The following LARP1B variants were observed in gnomAD, a reference collection of about 807,000 sequenced individuals.
The protein encoded by LARP1B is la-related protein 1B.
A neutral mutation model predicts 114.2 loss-of-function variants in LARP1B; 76 were observed. The observed-to-expected ratio is 0.67, with a 90% confidence interval of 0.55 to 0.81. The LOEUF (loss-of-function observed/expected upper bound fraction) is 0.81, where lower values mean the gene tolerates loss of function less well. Among genes scored for constraint, LARP1B ranks in the 30% least tolerant of loss-of-function variants. The probability of loss-of-function intolerance (pLI) is 0.00; values close to 1 mark genes in which losing one functional copy is unlikely to be tolerated. For synonymous variants in LARP1B, 345 were observed against 348.0 expected, an observed-to-expected ratio of 0.99 and a Z score of 0.10; for missense variants, 1,014 against 1,075.8, an observed-to-expected ratio of 0.94 and a Z score of 0.80.
chr4:128,112,394 T>C (rs1274789338), intron 9 of LARP1B, among the ~76,000 whole-genome samples: 2 of 151,906 alleles, frequency 1.3e-5, no homozygotes, highest in Admixed American at 1.3e-4. Context: ...TATTTTACTC[T>C]TGTCCTGAGC....
At chr4:128,153,979 T>C (rs74788351) in intron 11 of LARP1B, among the ~76,000 whole-genome samples, 1 of 152,210 alleles carries the variant, frequency 6.6e-6, no homozygotes, top group Non-Finnish European at 1.5e-5. Context: ...CCTTTCATAT[T>C]CATTCCTACT....
At chr4:128,120,937 A>G (rs1787737240) in intron 10 of LARP1B, among the ~76,000 whole-genome samples, 2 of 150,096 alleles carry the variant, frequency 1.3e-5, no homozygotes, top group African/African-American at 4.9e-5. Context: ...CAGCCTCCCG[A>G]GTAGCTGGGA....
At chr4:128,182,174 C>T (rs575959799) in intron 15 of LARP1B, among the ~76,000 whole-genome samples, 2 of 135,492 alleles carry the variant, frequency 1.5e-5, no homozygotes, top group Non-Finnish European at 1.5e-5. Flanking sequence ...AGTTCTGTGG[C>T]ACAATCATGG....
intron 11 of LARP1B, among the ~76,000 whole-genome samples, chr4:128,141,577 G>C (rs1464776605): frequency 6.6e-6 from 1 of 152,140 alleles, no homozygotes; most frequent in East Asian, 1.9e-4. Flanking sequence ...AAATATACCA[G>C]TTTTGTCCAG....
chr4:128,117,541 A>G (rs1786297209), intron 10 of LARP1B, among the ~76,000 whole-genome samples: 1 of 151,990 alleles, frequency 6.6e-6, no homozygotes, highest in Non-Finnish European at 1.5e-5. Flanking sequence ...ACAGGCCACC[A>G]CACCCAGCTA....
chr4:128,098,404 C>T, intron 8 of LARP1B, 74 bp downstream of exon 8: 1 of 1,288,974 alleles, frequency 7.8e-7, no homozygotes, highest in Non-Finnish European at 1.1e-6. Context: ...CTCTGAAAAA[C>T]AGAGTACTAA....
At chr4:128,201,642 C>T (rs1755982809) in intron 17 of LARP1B, among the ~76,000 whole-genome samples, 1 of 152,198 alleles carries the variant, frequency 6.6e-6, no homozygotes. Context: ...CTTCGTCCTC[C>T]CTGTGCTTTT....
Position 128,092,029 on chromosome 4 carries a change from A to G in LARP1B, c.668+517A>G, listed in dbSNP as rs189052317. ...TTTATATTTGGTTTATGTTGTTTATATAAGTCTCCTGGCTTCTATAGTATT... is the reference window on the plus strand; with the variant it reads ...TTTATATTTGGTTTATGTTGTTTATGTAAGTCTCCTGGCTTCTATAGTATT... On this transcript the variant is annotated intron_variant, in intron 7 of 19. Transcript: ENST00000326639. Among the ~76,000 whole-genome samples, 363 of 152,292 alleles carry G rather than the reference A, an allele frequency of 2.4e-3. 1 individual carries two copies. The highest frequency in any genetic ancestry group is 8.1e-3 in the African/African-American group (335 of 41,566).
chr4:128,182,993 C>A (rs1359367579), intron 15 of LARP1B, among the ~76,000 whole-genome samples: 1 of 152,092 alleles, frequency 6.6e-6, no homozygotes, highest in Non-Finnish European at 1.5e-5. Context: ...GAGGGAGGTG[C>A]AGAAGAAAAG....
intron 11 of LARP1B, among the ~76,000 whole-genome samples, chr4:128,124,137 T>C (rs1788844758): frequency 6.6e-6 from 1 of 152,192 alleles, no homozygotes; most frequent in African/African-American, 2.4e-5. Context: ...AGACACTGCT[T>C]AGAAACTGGG....
chr4:128,070,685 CG>C (rs1413965896), intron 1 of LARP1B, among the ~76,000 whole-genome samples: 1 of 151,562 alleles, frequency 6.6e-6, no homozygotes, highest in Non-Finnish European at 1.5e-5. Context: ...TTAGGATGAC[CG>C]GCTGTAGTGG....
At chr4:128,206,240 C>T (rs35678631) in intron 17 of LARP1B, among the ~76,000 whole-genome samples, 188 bp from the exon 18 acceptor site, 3,471 of 152,144 alleles carry the variant, frequency 0.023, 70 homozygotes, top group Non-Finnish European at 0.035. Context: ...TGCAGTGAGC[C>T]GAGGTCGCAC....
At chr4:128,132,200 A>G (rs2150116172) in intron 11 of LARP1B, among the ~76,000 whole-genome samples, 1 of 152,302 alleles carries the variant, frequency 6.6e-6, no homozygotes, top group African/African-American at 2.4e-5. Flanking sequence ...TCCATACAAT[A>G]GAGTATTTGG....
At chr4:128,212,272 T>C (rs1011171621), downstream of LARP1B, among the ~76,000 whole-genome samples, 12 of 152,104 alleles carry the variant, frequency 7.9e-5, no homozygotes, top group African/African-American at 2.4e-4. Flanking sequence ...AGTATTCCAG[T>C]GTGTGAATAT....
chr4:128,180,878 T>C lies in LARP1B; in HGVS notation c.2003+1366T>C, dbSNP rs913647560. On this transcript the variant is annotated intron_variant, in intron 15 of 19. Transcript: ENST00000326639. ...TATCATTTTGCATTCTCACCAGTAA[T>C]GTTTCTTTTTAACCTTGGTAATGTC... Among the ~76,000 whole-genome samples, 12 of 152,360 alleles carry C rather than the reference T, an allele frequency of 7.9e-5. No homozygotes were observed. In the South Asian group the frequency reaches 2.3e-3, roughly 29 times the overall value.
chr4:128,197,970 C>T (rs1335038549), intron 15 of LARP1B, among the ~76,000 whole-genome samples: 10 of 149,810 alleles, frequency 6.7e-5, no homozygotes, highest in Middle Eastern at 3.2e-3. Flanking sequence ...CTGCAACCTC[C>T]GCTGCCCGGG....
chr4:128,066,164 TC>T (rs1289471716), intron 1 of LARP1B, among the ~76,000 whole-genome samples: 5 of 111,884 alleles, frequency 4.5e-5, no homozygotes, highest in Admixed American at 1.1e-4. Context: ...CTTTCTTTCT[TC>T]TTTTTTTTTT....
rs371748789 is a variant in LARP1B, at chr4:128,083,504, C to T, written c.358+1199C>T. ...GCTGGCCAGGCAGAGGGGCGCCTCA[C>T]TTCCCAGTAGGGGCGGCCGGGCAGA... On this transcript the variant is annotated intron_variant, in intron 5 of 19. Coordinates refer to ENST00000326639, the MANE Select transcript of LARP1B (RefSeq NM_018078.4). 1.3e-3 allele frequency among the ~76,000 whole-genome samples: 189 copies of T among 150,672 alleles called. 2 individuals carry two copies. In the East Asian group the frequency reaches 0.032, roughly 25 times the overall value.
chr4:128,185,863 G>A (rs1750161670), intron 15 of LARP1B, among the ~76,000 whole-genome samples: 1 of 152,046 alleles, frequency 6.6e-6, no homozygotes, highest in Non-Finnish European at 1.5e-5. Flanking sequence ...GCTTTTTGTA[G>A]AGAGGGGTCT....
Sources: allele counts gnomAD v4.1 joint callset (sites outside exome capture counted in the v4.1 genomes callset), GRCh38; gene constraint gnomAD v4.1.1; transcripts MANE v1.5; gene names NCBI Gene and HGNC (gene_info 2026-07-23, HGNC 2026-07-21).